GNB1L: variants seen among roughly 807,000 people sequenced by gnomAD.
GNB1L encodes the protein G protein subunit beta 1 like.
A neutral mutation model predicts 29.1 loss-of-function variants in GNB1L; 20 were observed. That is an observed-to-expected ratio of 0.69 (90% CI 0.48 to 1.00). The LOEUF (loss-of-function observed/expected upper bound fraction) is 1.00. Among genes scored for constraint, GNB1L ranks in the 50% least tolerant of loss-of-function variants. The probability of loss-of-function intolerance (pLI) is 0.00; values close to 1 mark genes in which losing one functional copy is unlikely to be tolerated. For missense variants in GNB1L, 421 were observed against 464.9 expected, an observed-to-expected ratio of 0.91 and a Z score of 0.87; for synonymous variants, 193 against 206.5, an observed-to-expected ratio of 0.93 and a Z score of 0.56.
At chr22:19,850,402 G>GAGCAGGGGATGGCAGCACAGC in intron 2 of GNB1L, 1 of 990,338 alleles carries the variant, frequency 1.0e-6, no homozygotes, top group Admixed American at 6.1e-5. Context: ...AGTGCGGAGT[G>GAGCAGGGGATGGCAGCACAGC]AGCAGGGGAT....
At chr22:19,806,235 T>C (rs9617836) in intron 6 of GNB1L, among the ~76,000 whole-genome samples, 7,242 of 152,306 alleles carry the variant, frequency 0.048, 416 homozygotes, top group African/African-American at 0.13. Flanking sequence ...AAAGAAGTAA[T>C]AAAAATCAAT....
At chr22:19,825,624 A>ATAAAT (rs1937614384) in intron 2 of GNB1L, among the ~76,000 whole-genome samples, 1 of 151,802 alleles carries the variant, frequency 6.6e-6, no homozygotes, top group South Asian at 2.1e-4. Flanking sequence ...CGCATCTCAA[A>ATAAAT]TAAATTAAAT....
chr22:19,845,189 C>T (rs571471839), intron 2 of GNB1L, among the ~76,000 whole-genome samples: 70 of 152,330 alleles, frequency 4.6e-4, no homozygotes, highest in African/African-American at 1.6e-3. Flanking sequence ...CATCAACTCC[C>T]GACCACCCAG....
chr22:19,822,730 G>A (rs1937589061), intron 2 of GNB1L, among the ~76,000 whole-genome samples: 1 of 152,242 alleles, frequency 6.6e-6, no homozygotes, highest in Admixed American at 6.5e-5. Context: ...AAGGACCAGG[G>A]CAGGGGAGAT....
chr22:19,812,185 C>T, intron 5 of GNB1L, 100 bp downstream of exon 5: 1 of 1,281,200 alleles, frequency 7.8e-7, no homozygotes. Flanking sequence ...TGGGCGGCTC[C>T]ATGGAGTCCT....
chr22:19,817,108 C>T (rs927925016), intron 4 of GNB1L, among the ~76,000 whole-genome samples: 5 of 152,186 alleles, frequency 3.3e-5, no homozygotes, highest in Non-Finnish European at 5.9e-5. Flanking sequence ...CAGGAACTCC[C>T]GGCAAGACAC....
rs537718065 is a variant in GNB1L, at chr22:19,829,747, T to C, written c.-20-8372A>G. Among the ~76,000 whole-genome samples the C allele has an allele frequency of 1.9e-4, 29 of 152,326 alleles. No homozygotes were observed. In the South Asian group the frequency reaches 4.1e-3, roughly 22 times the overall value. ...GATATAATGAGAAAAAGCATGTAAT[T>C]ATCTCCACAGATGCTGAAAAAGCCT... On this transcript the variant is annotated intron_variant, in intron 2 of 7. Coordinates refer to ENST00000329517, the MANE Select transcript of GNB1L (RefSeq NM_053004.3).
chr22:19,853,285 C>G (rs1449645163), intron 2 of GNB1L, among the ~76,000 whole-genome samples: 1 of 152,168 alleles, frequency 6.6e-6, no homozygotes, highest in Non-Finnish European at 1.5e-5. Flanking sequence ...ACTCCAGTCA[C>G]TTGTGCCCAG....
At chr22:19,818,621 G>C (rs567467383) in intron 4 of GNB1L, among the ~76,000 whole-genome samples, 24 of 152,358 alleles carry the variant, frequency 1.6e-4, no homozygotes, top group Non-Finnish European at 2.6e-4. Flanking sequence ...GTGGGGGCCA[G>C]ACAGGCCTCA....
chr22:19,808,416 C>T (rs748514148), intron 5 of GNB1L, among the ~76,000 whole-genome samples: 4 of 152,114 alleles, frequency 2.6e-5, no homozygotes, highest in Non-Finnish European at 4.4e-5. Context: ...CAGTCAGGAA[C>T]CAAGAGGCTC....
At chr22:19,813,082 G>A (rs1937512809) in intron 4 of GNB1L, among the ~76,000 whole-genome samples, 1 of 152,212 alleles carries the variant, frequency 6.6e-6, no homozygotes, top group South Asian at 2.1e-4. Context: ...GGGGAGACAT[G>A]GGCTGGCGGA....
At chr22:19,852,137 A>AG in intron 2 of GNB1L, 3 of 1,614,172 alleles carry the variant, frequency 1.9e-6, no homozygotes, top group Non-Finnish European at 2.5e-6. Flanking sequence ...GGGATCCACA[A>AG]GGGGGGTGTA....
intron 4 of GNB1L, among the ~76,000 whole-genome samples, chr22:19,817,480 A>C (rs974214383): frequency 2.0e-5 from 3 of 152,020 alleles, no homozygotes; most frequent in Non-Finnish European, 4.4e-5. Flanking sequence ...ACTTTGTCTC[A>C]AAAAAAGAAA....
At chr22:19,794,819 A>C (rs1295468012) in intron 7 of GNB1L, among the ~76,000 whole-genome samples, 1 of 152,090 alleles carries the variant, frequency 6.6e-6, no homozygotes, top group Non-Finnish European at 1.5e-5. Context: ...TGTCTCTACT[A>C]AAAATACAAA....
intron 7 of GNB1L, among the ~76,000 whole-genome samples, chr22:19,796,264 C>A (rs1436264275): frequency 3.3e-5 from 5 of 152,204 alleles, no homozygotes; most frequent in Non-Finnish European, 7.3e-5. Flanking sequence ...AAAGCAAATA[C>A]AGACAGGCCC....
chr22:19,822,517 G>A (rs1175663315), intron 2 of GNB1L, among the ~76,000 whole-genome samples: 2 of 152,232 alleles, frequency 1.3e-5, no homozygotes, highest in Non-Finnish European at 1.5e-5. Flanking sequence ...CTGTCTGCCT[G>A]CAGACCCTGA....
At position 19,821,227 on chromosome 22, in the gene GNB1L, C is replaced by T; in HGVS notation, c.128+1G>A. On this transcript the variant is annotated splice_donor_variant, in intron 3 of 7. Transcript: ENST00000329517. LOFTEE classifies it high-confidence loss of function. Reference sequence around the variant, plus strand: ...CTGGGGCTGGGGCCACAGCTACTCACCCTGAGAAGAGGAGCGGGCGCCCCT... The same window carrying T: ...CTGGGGCTGGGGCCACAGCTACTCATCCTGAGAAGAGGAGCGGGCGCCCCT... The T allele has an allele frequency of 1.9e-6, 3 of 1,608,516 alleles. No individual in the cohort carries two copies. The highest frequency in any genetic ancestry group is 2.5e-6 in the Non-Finnish European group (3 of 1,176,948).
At chr22:19,809,023 T>A (rs1349895768) in intron 5 of GNB1L, among the ~76,000 whole-genome samples, 4 of 151,768 alleles carry the variant, frequency 2.6e-5, no homozygotes, top group Non-Finnish European at 5.9e-5. Context: ...GGAAGGGAAG[T>A]CACCTGGCAA....
intron 2 of GNB1L, among the ~76,000 whole-genome samples, chr22:19,831,655 C>A: frequency 6.6e-6 from 1 of 150,836 alleles, no homozygotes; most frequent in African/African-American, 2.4e-5. Context: ...CACACCACTG[C>A]ACTCCAGCCT....
Sources: allele counts gnomAD v4.1 joint callset (sites outside exome capture counted in the v4.1 genomes callset), GRCh38; gene constraint gnomAD v4.1.1; transcripts MANE v1.5; gene names NCBI Gene and HGNC (gene_info 2026-07-23, HGNC 2026-07-21).